NSL1: variants seen among roughly 807,000 people sequenced by gnomAD.
NSL1 encodes kinetochore-associated protein NSL1 homolog.
A neutral mutation model predicts 25.4 loss-of-function variants in NSL1; 11 were observed. The ratio of observed to expected loss-of-function variants is 0.43; its 90% CI spans 0.27 to 0.72. NSL1 has a LOEUF of 0.72. Among genes scored for constraint, NSL1 ranks in the 30% least tolerant of loss-of-function variants. NSL1 has a pLI of 0.19. For missense variants in NSL1, 330 were observed against 342.7 expected (o/e 0.96, Z 0.29); for synonymous variants, 118 against 120.6 (o/e 0.98, Z 0.14).
chr1:212,786,714 A>G (rs1660963178), intron 2 of NSL1, among the ~76,000 whole-genome samples: 1 of 151,884 alleles, frequency 6.6e-6, no homozygotes, highest in Admixed American at 6.6e-5. Context: ...AGGCTGAGGC[A>G]TGAGAACTGC....
intron 4 of NSL1, among the ~76,000 whole-genome samples, chr1:212,757,447 A>C (rs1177657682): frequency 6.6e-6 from 1 of 152,170 alleles, no homozygotes; most frequent in Non-Finnish European, 1.5e-5. Context: ...AATATGTAAG[A>C]CTGGGTAATT....
intron 4 of NSL1, among the ~76,000 whole-genome samples, chr1:212,780,500 T>TA (rs1285748863): frequency 0.23 from 18,093 of 80,164 alleles, 1,348 homozygotes; most frequent in African/African-American, 0.25. Context: ...GAATGATCAA[T>TA]AAAAAAAAAA....
At chr1:212,776,273 G>A (rs2102390647) in intron 4 of NSL1, among the ~76,000 whole-genome samples, 1 of 152,190 alleles carries the variant, frequency 6.6e-6, no homozygotes, top group Non-Finnish European at 1.5e-5. Context: ...TGAGGCAGGA[G>A]AATCGCTTGA....
At chr1:212,785,326 G>A (rs1172766905) in intron 2 of NSL1, among the ~76,000 whole-genome samples, 2 of 152,050 alleles carry the variant, frequency 1.3e-5, no homozygotes, top group African/African-American at 2.4e-5. Context: ...ATCACCTAAC[G>A]AGTATGTTAG....
chr1:212,768,023 A>G (rs1659899340), intron 4 of NSL1, among the ~76,000 whole-genome samples: 1 of 152,216 alleles, frequency 6.6e-6, no homozygotes, highest in Non-Finnish European at 1.5e-5. Context: ...AGATTCCTTA[A>G]AAAACTAAAA....
Position 212,733,423 on chromosome 1 carries a change from C to T in NSL1, c.*4985G>A, listed in dbSNP as rs1438295531. On this transcript the variant is annotated 3_prime_UTR_variant, in exon 6 of 6. Coordinates refer to ENST00000366977, the MANE Select transcript of NSL1 (RefSeq NM_015471.4). The stretch of plus-strand genomic sequence containing the variant: ...CTCCAGCTTGGGCAACACAGCAAGA[C>T]CTTGTTTCACAAAAAAAAAAAAAAA... Among the ~76,000 whole-genome samples, 2 of 106,888 alleles carry T rather than the reference C, an allele frequency of 1.9e-5. No individual in the cohort carries two copies. The highest frequency in any genetic ancestry group is 1.9e-5 in the Non-Finnish European group (1 of 53,822). The allele number at this position is 106,888 out of a possible 152,430, so 70.1% of individuals were successfully genotyped here. A position where few individuals can be genotyped will look rare whatever the true frequency, so the allele number is the denominator to read the frequency against.
chr1:212,760,978 C>T lies in NSL1; in HGVS notation c.500-21377G>A, dbSNP rs1205461542. Among the ~76,000 whole-genome samples, 2 of 152,244 alleles carry T rather than the reference C, an allele frequency of 1.3e-5. No individual in the cohort carries two copies. The highest frequency in any genetic ancestry group is 2.9e-5 in the Non-Finnish European group (2 of 68,034). ...CGTAAGTCACTAAGGAACTCACAAA[C>T]ATCACTGACACTGATTACACCCAAA... On this transcript the variant is annotated intron_variant, in intron 4 of 5. Transcript: ENST00000366977. This position sits in a 1 kb window ranked among gnomAD's most constrained non-coding sequence, Gnocchi z 4.3.
In NSL1 at chr1:212,730,177, G is replaced by A. The variant is rs1433653380; in HGVS notation, c.*8231C>T. The A allele has an allele frequency of 2.1e-6, 2 of 938,544 alleles. No individual in the cohort carries two copies. Among genetic ancestry groups the A allele is most frequent in the Non-Finnish European group, 1.3e-6 (1 of 790,712 alleles). The allele number at this position is 938,544 out of a possible 1,614,324, so 58.1% of individuals were successfully genotyped here. On this transcript the variant is annotated 3_prime_UTR_variant, in exon 6 of 6. Transcript: ENST00000366977. ...AGGCATGAGAACCTCTTGAACCTGG[G>A]AGGTGGAGGTTGCAGTGAGTTGAGA...
At chr1:212,765,810 A>C (rs1470973601) in intron 4 of NSL1, among the ~76,000 whole-genome samples, 2 of 151,828 alleles carry the variant, frequency 1.3e-5, no homozygotes, top group African/African-American at 2.4e-5. Context: ...GTCTTTAAAA[A>C]AAAAAACAAA....
intron 1 of NSL1, among the ~76,000 whole-genome samples, chr1:212,789,511 C>T (rs1317206155): frequency 6.6e-6 from 1 of 152,200 alleles, no homozygotes; most frequent in Non-Finnish European, 1.5e-5. Context: ...CGCGCCCGGC[C>T]TATGTATGTT....
intron 4 of NSL1, among the ~76,000 whole-genome samples, chr1:212,754,579 C>A (rs1472057953): frequency 6.6e-6 from 1 of 151,874 alleles, no homozygotes; most frequent in Admixed American, 6.6e-5. Context: ...GAGTTGGAGA[C>A]TAGCCTGGCC....
intron 4 of NSL1, among the ~76,000 whole-genome samples, chr1:212,758,240 T>C (rs931916822): frequency 6.6e-6 from 1 of 152,136 alleles, no homozygotes; most frequent in Non-Finnish European, 1.5e-5. Context: ...ATTAAGAATA[T>C]AGAGAAAATC....
At chr1:212,752,994 G>C (rs1392153739) in intron 4 of NSL1, among the ~76,000 whole-genome samples, 2 of 151,976 alleles carry the variant, frequency 1.3e-5, no homozygotes, top group Non-Finnish European at 2.9e-5. Context: ...GGCTTCTACT[G>C]GTTTCTAAAG....
chr1:212,727,282 C>A lies in NSL1; in HGVS notation c.*11126G>T. ...CTTGAGACTCAGAGCTGTTTCACAA[C>A]CCTTTGTTCCAGGCAGGGCCCAGGA... On this transcript the variant is annotated 3_prime_UTR_variant, in exon 6 of 6. Coordinates refer to ENST00000366977, the MANE Select transcript of NSL1 (RefSeq NM_015471.4). The A allele has an allele frequency of 7.4e-7, 1 of 1,346,546 alleles. No homozygotes were observed. The highest frequency in any genetic ancestry group is 2.0e-5 in the South Asian group (1 of 49,710). The allele number at this position is 1,346,546 out of a possible 1,614,324, so 83.4% of individuals were successfully genotyped here. A position where few individuals can be genotyped will look rare whatever the true frequency, so the allele number is the denominator to read the frequency against.
At chr1:212,756,603 C>T (rs760287369) in intron 4 of NSL1, among the ~76,000 whole-genome samples, 2 of 152,042 alleles carry the variant, frequency 1.3e-5, no homozygotes, top group Non-Finnish European at 2.9e-5. Flanking sequence ...GAGGATCACC[C>T]GAGTTCAAGA....
At position 212,791,747 on chromosome 1, in the gene NSL1, T is replaced by A. The variant is rs1403846619; in HGVS notation, c.17A>T (p.Glu6Val). Reference protein sequence around the residue: MAGSPELVVLDPPWDK... With the variant: MAGSPVLVVLDPPWDK... Reference sequence around the variant, plus strand: ...CCATGGAGGGTCAAGGACCACCAACTCAGGAGACCCCGCCATTTTTCGTCG... The same window carrying A: ...CCATGGAGGGTCAAGGACCACCAACACAGGAGACCCCGCCATTTTTCGTCG... Residue 6 changes from glutamate to valine, a missense_variant, in exon 1 of 6, where the codon GAG (glutamate) becomes GTG (valine). Physicochemically the swap from Glu to Val is moderately radical, Grantham distance 121. Coordinates refer to ENST00000366977, the MANE Select transcript of NSL1 (RefSeq NM_015471.4). The A allele has an allele frequency of 6.2e-7, 1 of 1,606,476 alleles. No individual in the cohort carries two copies. The highest frequency in any genetic ancestry group is 1.3e-5 in the African/African-American group (1 of 74,510).
At position 212,729,648 on chromosome 1, in the gene NSL1, C is replaced by T. The variant is rs1199874278; in HGVS notation, c.*8760G>A. ...AGAATATGACAAGTCAGAGAGAATT[C>T]GAACACTTATTTTAACCTTTTCACC... is the stretch of plus-strand genomic sequence containing the variant. On this transcript the variant is annotated 3_prime_UTR_variant, in exon 6 of 6. Coordinates refer to ENST00000366977, the MANE Select transcript of NSL1 (RefSeq NM_015471.4). 1.0e-5 allele frequency: 10 copies of T among 985,188 alleles called. No homozygotes were observed. The Admixed American group carries it at 3.1e-4, about 30-fold the overall frequency. 61.0% of individuals were successfully genotyped at this position (985,188 alleles called of 1,614,324 possible). A position where few individuals can be genotyped will look rare whatever the true frequency, so the allele number is the denominator to read the frequency against.
chr1:212,736,957 G>T lies in NSL1; in HGVS notation c.*1451C>A. On this transcript the variant is annotated 3_prime_UTR_variant, in exon 6 of 6. Transcript: ENST00000366977. Reference sequence around the variant, plus strand: ...AGAATTAACAATAACTCTTTTGTTTGGGGACCTCTGAAGTGAAACAAATCA... The same window carrying T: ...AGAATTAACAATAACTCTTTTGTTTTGGGACCTCTGAAGTGAAACAAATCA... The T allele has an allele frequency of 3.0e-6, 3 of 984,060 alleles. No homozygotes were observed. The highest frequency in any genetic ancestry group is 3.6e-6 in the Non-Finnish European group (3 of 828,778). The allele number at this position is 984,060 out of a possible 1,614,324, so 61.0% of individuals were successfully genotyped here. A position where few individuals can be genotyped will look rare whatever the true frequency, so the allele number is the denominator to read the frequency against.
intron 4 of NSL1, among the ~76,000 whole-genome samples, chr1:212,777,233 C>G (rs947930509): frequency 6.6e-6 from 1 of 151,796 alleles, no homozygotes; most frequent in Non-Finnish European, 1.5e-5. Flanking sequence ...TTTAACTAGC[C>G]AGGCATGGTG....
Sources: gnomAD v4.1 joint callset for allele counts (sites outside exome capture counted in the v4.1 genomes callset) on GRCh38, gnomAD v4.1.1 for gene constraint, Gnocchi (gnomAD v3.1) non-coding constraint, MANE v1.5 for transcripts, NCBI Gene and HGNC (gene_info 2026-07-23, HGNC 2026-07-21) for gene names.